Variants in SLC8A1 observed in about 807,000 individuals in gnomAD.
SLC8A1 encodes the protein sodium/calcium exchanger 1.
Under a neutral mutation model 68.3 loss-of-function variants are expected in SLC8A1, and 18 were observed. That is an observed-to-expected ratio of 0.26 (90% confidence interval 0.18 to 0.39). The LOEUF is 0.39. Ranked by LOEUF, SLC8A1 falls within the 10% of genes least tolerant of loss-of-function variation. The probability of loss-of-function intolerance (pLI) is 1.00; values close to 1 mark genes in which losing one functional copy is unlikely to be tolerated. For synonymous variants in SLC8A1, 475 were observed against 415.5 expected, an observed-to-expected ratio of 1.14 and a Z score of -1.74; for missense variants, 985 against 1,156.7, an observed-to-expected ratio of 0.85 and a Z score of 2.15.
intron 2 of SLC8A1, among the ~76,000 whole-genome samples, chr2:40,193,946 G>A (rs1197733793): frequency 6.6e-6 from 1 of 152,098 alleles, no homozygotes; most frequent in East Asian, 1.9e-4. Flanking sequence ...TTACTTTTCT[G>A]AAATTTCTCC....
chr2:40,121,400 G>A (rs2036766703), intron 7 of SLC8A1, among the ~76,000 whole-genome samples: 1 of 152,144 alleles, frequency 6.6e-6, no homozygotes, highest in Non-Finnish European at 1.5e-5. Flanking sequence ...TAAGAAGCTG[G>A]TTTCTCTTAG....
At position 40,329,795 on chromosome 2, in the gene SLC8A1, C is replaced by G. The variant is rs189708898; in HGVS notation, c.1808+98678G>C. 2.1e-3 allele frequency among the ~76,000 whole-genome samples: 317 copies of G among 152,274 alleles called. 2 individuals carry two copies. Among genetic ancestry groups the G allele is most frequent in the African/African-American group, 7.3e-3 (304 of 41,550 alleles). The stretch of plus-strand genomic sequence containing the variant: ...GGTTGCAAGTATTCCTCAATCCCAT[C>G]CCACTGCATGTGATGCTGACTGGAG... On this transcript the variant is annotated intron_variant, in intron 2 of 7. Coordinates refer to ENST00000406785, the Ensembl canonical transcript of SLC8A1.
At chr2:40,221,240 T>C (rs1232411520) in intron 2 of SLC8A1, among the ~76,000 whole-genome samples, 1 of 152,140 alleles carries the variant, frequency 6.6e-6, no homozygotes, top group Non-Finnish European at 1.5e-5. Flanking sequence ...TGCAAATCAA[T>C]AAACATAATA....
At chr2:40,349,968 T>C (rs1670545024) in intron 2 of SLC8A1, among the ~76,000 whole-genome samples, 1 of 152,118 alleles carries the variant, frequency 6.6e-6, no homozygotes, top group African/African-American at 2.4e-5. Flanking sequence ...TAATGGAAAG[T>C]ATTCATTTCC....
exon 8 of SLC8A1, chr2:40,099,704 C>T (rs1324547070): frequency 6.6e-6 from 1 of 152,012 alleles, no homozygotes; most frequent in Non-Finnish European, 1.5e-5. Flanking sequence ...ATATGCCACC[C>T]TTTTCTTTAT....
intron 2 of SLC8A1, among the ~76,000 whole-genome samples, chr2:40,232,394 A>AT (rs66713157): frequency 0.78 from 114,549 of 146,440 alleles, 45,420 homozygotes; most frequent in Non-Finnish European, 0.86. Context: ...GGTGCAAGTT[A>AT]TTTTTTTTTT....
At chr2:40,428,422 ACCACAC>A (rs1205795189) in intron 2 of SLC8A1, 45 bp downstream of exon 2, 5 of 1,348,380 alleles carry the variant, frequency 3.7e-6, no homozygotes, top group South Asian at 1.5e-5. Flanking sequence ...AACACACTGA[ACCACAC>A]ACACACACAC....
intron 2 of SLC8A1, among the ~76,000 whole-genome samples, chr2:40,228,430 G>C (rs527747527): frequency 6.6e-6 from 1 of 152,148 alleles, no homozygotes; most frequent in Non-Finnish European, 1.5e-5. Flanking sequence ...CATGACATTG[G>C]AATTAAAGCC....
At chr2:40,192,893 A>G (rs896816638) in intron 2 of SLC8A1, among the ~76,000 whole-genome samples, 11 of 152,156 alleles carry the variant, frequency 7.2e-5, no homozygotes, top group Non-Finnish European at 1.0e-4. Context: ...TGGAAATACA[A>G]TCCTGGGTCT....
intron 2 of SLC8A1, among the ~76,000 whole-genome samples, chr2:40,200,711 G>C (rs2054200971): frequency 6.6e-6 from 1 of 151,710 alleles, no homozygotes; most frequent in African/African-American, 2.4e-5. Flanking sequence ...ATTCCTTGCT[G>C]ACCAAGTCAC....
intron 2 of SLC8A1, among the ~76,000 whole-genome samples, chr2:40,217,829 T>A (rs554640685): frequency 1.3e-5 from 2 of 152,316 alleles, no homozygotes; most frequent in Non-Finnish European, 2.9e-5. Flanking sequence ...TCAATCTAAA[T>A]CATACCTGCA....
chr2:40,139,485 G>T, exon 7 of SLC8A1: 1 of 1,614,190 alleles, frequency 6.2e-7, no homozygotes, highest in Non-Finnish European at 8.5e-7. Flanking sequence ...TGGGAAGCCA[G>T]GTCTCCAATG....
At chr2:40,148,814 G>C (rs573125540) in intron 6 of SLC8A1, among the ~76,000 whole-genome samples, 7 of 152,190 alleles carry the variant, frequency 4.6e-5, no homozygotes, top group Non-Finnish European at 8.8e-5. Context: ...TTTGGCTTGA[G>C]GGAAATTAGC....
At chr2:40,380,951 C>T (rs1327222794) in intron 2 of SLC8A1, among the ~76,000 whole-genome samples, 2 of 152,072 alleles carry the variant, frequency 1.3e-5, no homozygotes, top group Non-Finnish European at 2.9e-5. Context: ...GATTCTTCTC[C>T]TCTCTCTGAC....
chr2:40,384,932 A>C (rs1477004), intron 2 of SLC8A1, among the ~76,000 whole-genome samples: 1 of 151,886 alleles, frequency 6.6e-6, no homozygotes, highest in Non-Finnish European at 1.5e-5. Flanking sequence ...CAAGGATTGC[A>C]TAATCAAGGT....
rs146501149 is a variant in SLC8A1, at chr2:40,427,976, A to G, written c.1808+497T>C. ...ATATTGTCACAAAACACAATGTCAC[A>G]TAAAAGCCACAAAAATATTTTCAGC... On this transcript the variant is annotated intron_variant, in intron 2 of 7. Coordinates refer to ENST00000406785, the Ensembl canonical transcript of SLC8A1. Among the ~76,000 whole-genome samples, 801 of 152,290 alleles carry G rather than the reference A, an allele frequency of 5.3e-3. 9 individuals are homozygous for G. The highest frequency in any genetic ancestry group is 0.018 in the African/African-American group (751 of 41,566).
At chr2:40,288,595 A>C (rs1408003913) in intron 2 of SLC8A1, among the ~76,000 whole-genome samples, 1 of 151,974 alleles carries the variant, frequency 6.6e-6, no homozygotes, top group Non-Finnish European at 1.5e-5. Flanking sequence ...CCTGGGAGTC[A>C]GTTATGTATA....
chr2:40,400,324 G>T (rs1688327979), intron 2 of SLC8A1, among the ~76,000 whole-genome samples: 1 of 152,022 alleles, frequency 6.6e-6, no homozygotes, highest in African/African-American at 2.4e-5. Context: ...AGAACCAAAA[G>T]ATCCTAGAAC....
chr2:40,463,330 AG>A (rs1193631988), intron 1 of SLC8A1, among the ~76,000 whole-genome samples: 1 of 152,168 alleles, frequency 6.6e-6, no homozygotes, highest in Non-Finnish European at 1.5e-5. Flanking sequence ...CCAGTGAGGG[AG>A]AAAGGGGTGT....
Sources: gnomAD v4.1 joint callset for allele counts (sites outside exome capture counted in the v4.1 genomes callset) on GRCh38, gnomAD v4.1.1 for gene constraint, MANE v1.5 for transcripts, NCBI Gene and HGNC (gene_info 2026-07-23, HGNC 2026-07-21) for gene names.